Variants in UBN2 observed in about 807,000 individuals in gnomAD.
The protein encoded by UBN2 is ubinuclein 2.
UBN2 carries 35 observed loss-of-function variants against 120.2 expected under a neutral mutation model. That is an observed-to-expected ratio of 0.29 (90% confidence interval 0.22 to 0.39). The LOEUF (loss-of-function observed/expected upper bound fraction) is 0.39, where lower values mean the gene tolerates loss of function less well. Ranked by LOEUF, UBN2 falls within the 10% of genes least tolerant of loss-of-function variation. The pLI is 1.00. For missense variants in UBN2, 1,693 were observed against 1,663.2 expected (o/e 1.02, Z -0.31); for synonymous variants, 661 against 648.7 (o/e 1.02, Z -0.29).
chr7:139,266,230 A>AG, intron 6 of UBN2, 103 bp from the exon 7 acceptor site: 1 of 538,534 alleles, frequency 1.9e-6, no homozygotes, highest in Non-Finnish European at 3.0e-6. Context: ...CTATCTCAAA[A>AG]AAAAAAAAAA....
the UBN2 span, among the ~76,000 whole-genome samples, chr7:139,318,651 A>C: frequency 6.6e-6 from 1 of 152,110 alleles, no homozygotes; most frequent in East Asian, 1.9e-4. Flanking sequence ...GCGTGCCACC[A>C]TACCCAGCTA....
At position 139,304,986 on chromosome 7, in the gene UBN2, G is replaced by A. The variant is rs554324675; in HGVS notation, c.*7150G>A. On this transcript the variant is annotated 3_prime_UTR_variant, in exon 18 of 18. Transcript: ENST00000473989. ...GAGATACTTTGTGTGTTCATCTATC[G>A]TAAAATGTGAACTCTGTATTCAAAA... 9 of 152,174 alleles carry A rather than the reference G, an allele frequency of 5.9e-5. No individual in the cohort carries two copies. In the East Asian group the frequency reaches 9.7e-4, roughly 16 times the overall value. The allele number at this position is 152,174 out of a possible 1,614,324, so 9.4% of individuals were successfully genotyped here.
intron 15 of UBN2, among the ~76,000 whole-genome samples, chr7:139,287,836 T>TC (rs1327702347): frequency 6.6e-6 from 1 of 151,510 alleles, no homozygotes; most frequent in African/African-American, 2.5e-5. Flanking sequence ...TCTATAGCTC[T>TC]CCAACACTGA....
downstream of UBN2, among the ~76,000 whole-genome samples, chr7:139,313,172 G>A (rs188099344): frequency 1.4e-3 from 220 of 152,146 alleles, no homozygotes; most frequent in Admixed American, 2.9e-3. Flanking sequence ...TTAAAATCCA[G>A]TTGAAATATT....
At chr7:139,317,561 C>A in the UBN2 span, among the ~76,000 whole-genome samples, 1 of 152,232 alleles carries the variant, frequency 6.6e-6, no homozygotes, top group East Asian at 1.9e-4. Context: ...CTTAAACGTT[C>A]TTTGGTATTT....
chr7:139,308,797 C>T (rs1798406895), downstream of UBN2, among the ~76,000 whole-genome samples: 1 of 152,178 alleles, frequency 6.6e-6, no homozygotes, highest in African/African-American at 2.4e-5. Context: ...AGAGGCCGGG[C>T]GTGGTGGCTC....
chr7:139,272,249 A>G, intron 8 of UBN2, 73 bp from the exon 9 acceptor site: 1 of 1,053,252 alleles, frequency 9.5e-7, no homozygotes, highest in Non-Finnish European at 1.4e-6. Flanking sequence ...CATAAATTTT[A>G]TCTTTTGAGG....
At chr7:139,251,873 T>C in intron 2 of UBN2, 83 bp from the exon 3 acceptor site, 1 of 1,351,790 alleles carries the variant, frequency 7.4e-7, no homozygotes, top group South Asian at 1.2e-5. Flanking sequence ...GCAAAAATTA[T>C]TTGAATTCTT....
rs777143558 is a variant in UBN2, at chr7:139,259,311, G to A, written c.846G>A (p.Lys282=). 1.2e-6 allele frequency: 2 copies of A among 1,613,936 alleles called. No individual in the cohort carries two copies. Among genetic ancestry groups the A allele is most frequent in the East Asian group, 2.2e-5 (1 of 44,860 alleles). The change falls in exon 5 of 18, where the codon AAG becomes AAA. Residue 282 remains lysine (K), a synonymous_variant. Transcript: ENST00000473989. ...KEDDIEMKKR[K]RKEEGEKEKK... is the part of the protein sequence containing the mutation. ...ATGATATTGAGATGAAGAAGCGGAA[G>A]CGGAAAGAGGAAGGGGAAAAGGAGA... is the stretch of plus-strand genomic sequence containing the variant.
At chr7:139,272,995 T>G (rs1317215642) in intron 9 of UBN2, among the ~76,000 whole-genome samples, 1 of 152,226 alleles carries the variant, frequency 6.6e-6, no homozygotes, top group Non-Finnish European at 1.5e-5. Flanking sequence ...ATGGAGGTGA[T>G]CAAGCAAGAG....
the UBN2 span, among the ~76,000 whole-genome samples, chr7:139,324,178 G>A: frequency 3.3e-5 from 5 of 152,092 alleles, no homozygotes; most frequent in African/African-American, 9.7e-5. Context: ...GACTAATATG[G>A]ATGCCTAGCT....
the UBN2 span, among the ~76,000 whole-genome samples, chr7:139,329,358 C>T: frequency 6.6e-6 from 1 of 151,386 alleles, no homozygotes; most frequent in African/African-American, 2.4e-5. Context: ...TCTGCTGAGA[C>T]AGCAGTTCTT....
rs893101384 is a variant in UBN2, at chr7:139,231,379, G to A, written c.-106G>A. 1.1e-5 allele frequency: 11 copies of A among 969,364 alleles called. No individual in the cohort carries two copies. In the South Asian group the frequency reaches 1.7e-4, roughly 15 times the overall value. 60.0% of individuals were successfully genotyped at this position (969,364 alleles called of 1,614,324 possible). On this transcript the variant is annotated 5_prime_UTR_variant, in exon 1 of 18. Transcript: ENST00000473989. ...CCGGCGGAGACGGCTGAGGGTGGTGGAGGGAAGAAAAGCGACAGAGAGCAA... is the reference window on the plus strand; with the variant it reads ...CCGGCGGAGACGGCTGAGGGTGGTGAAGGGAAGAAAAGCGACAGAGAGCAA...
intron 17 of UBN2, among the ~76,000 whole-genome samples, 198 bp from the exon 18 acceptor site, chr7:139,297,589 C>T (rs1798144566): frequency 6.6e-6 from 1 of 152,118 alleles, no homozygotes; most frequent in Non-Finnish European, 1.5e-5. Flanking sequence ...AGAAGAGGAT[C>T]ATTGTTGTTG....
chr7:139,272,378 G>A lies in UBN2; in HGVS notation c.1653G>A (p.Met551Ile). The A allele has an allele frequency of 6.2e-7, 1 of 1,613,986 alleles. No homozygotes were observed. The highest frequency in any genetic ancestry group is 2.2e-5 in the East Asian group (1 of 44,882). The change falls in exon 9 of 18, where the codon ATG becomes ATA. Residue 551 changes from methionine (M) to isoleucine (I), a missense_variant. By Grantham distance (10) the Met-to-Ile change is conservative. Around this residue, in one of 5 missense-constraint regions of UBN2, gnomAD observed 178 missense variants for 204.0 expected, o/e 0.87. Coordinates refer to ENST00000473989, the MANE Select transcript of UBN2 (RefSeq NM_173569.4). ...QKLKLAVSNV[M>I]PEQLFKYQED... is the part of the protein sequence containing the mutation. ...TGAAACTGGCTGTTAGCAATGTCAT[G>A]CCTGAACAGCTATTTAAATACCAGG...
chr7:139,281,066 T>C (rs1382667935), intron 13 of UBN2, among the ~76,000 whole-genome samples: 1 of 152,224 alleles, frequency 6.6e-6, no homozygotes, highest in Non-Finnish European at 1.5e-5. Flanking sequence ...TTTATTAGAA[T>C]ACTAAAGTCT....
intron 9 of UBN2, 34 bp downstream of exon 9, chr7:139,272,474 A>G: frequency 6.6e-7 from 1 of 1,506,680 alleles, no homozygotes; most frequent in Non-Finnish European, 9.2e-7. Flanking sequence ...TGGCTTTTGC[A>G]TTTGAGAAGT....
At chr7:139,321,177 T>A in the UBN2 span, among the ~76,000 whole-genome samples, 4 of 152,222 alleles carry the variant, frequency 2.6e-5, no homozygotes, top group African/African-American at 9.6e-5. Context: ...TAGATCACCT[T>A]CACAGCTCAT....
At chr7:139,261,805 C>T (rs760859709) in intron 6 of UBN2, 64 bp downstream of exon 6, 25 of 1,496,544 alleles carry the variant, frequency 1.7e-5, no homozygotes, top group Middle Eastern at 1.8e-4. Context: ...TGCTTTTGTT[C>T]GTTTGTTTTT....
Sources: allele counts gnomAD v4.1 joint callset (sites outside exome capture counted in the v4.1 genomes callset), GRCh38; gene constraint gnomAD v4.1.1; regional missense constraint gnomAD v4.1.1; transcripts MANE v1.5; gene names NCBI Gene and HGNC (gene_info 2026-07-23, HGNC 2026-07-21).